TTLL8: variants seen among roughly 807,000 people sequenced by gnomAD.
The protein encoded by TTLL8 is protein monoglycylase TTLL8.
Under a neutral mutation model 77.8 loss-of-function variants are expected in TTLL8, and 65 were observed. The observed-to-expected ratio is 0.84, with a 90% CI of 0.68 to 1.03. The LOEUF (loss-of-function observed/expected upper bound fraction) is 1.03, where lower values mean the gene tolerates loss of function less well. TTLL8 is among the 50% of genes least tolerant of loss of function. The pLI is 0.00. For synonymous variants in TTLL8, 402 were observed against 422.8 expected (o/e 0.95, Z 0.60); for missense variants, 910 against 1,004.5 (o/e 0.91, Z 1.27).
rs2061435442 is a variant in TTLL8, at chr22:50,050,007, C to T, written c.190+102G>A. On this transcript the variant is annotated intron_variant, in intron 2 of 13. Transcript: ENST00000266182. ...GTCGGAGATACCCCATCACGCACAC[C>T]AGGGCCGAGGGGCAGGCACCACACT... 3 of 1,256,834 alleles carry T rather than the reference C, an allele frequency of 2.4e-6. No homozygotes were observed. The South Asian group carries it at 4.0e-5, about 17-fold the overall frequency. 77.9% of individuals were successfully genotyped at this position (1,256,834 alleles called of 1,614,324 possible).
rs1601939885 is a variant in TTLL8 at position 50,052,511 on chromosome 22, G to C, written c.51+2065C>G. On this transcript the variant is annotated intron_variant, in intron 1 of 13. Transcript: ENST00000266182. ...ACGTACTAAATGAATGAAGATAACA[G>C]ACACACCTGAATACATCAACGGTTT... Among the ~76,000 whole-genome samples, 9 of 152,208 alleles carry C rather than the reference G, an allele frequency of 5.9e-5. No individual in the cohort carries two copies. The South Asian group carries it at 1.9e-3, about 32-fold the overall frequency.
intron 8 of TTLL8, among the ~76,000 whole-genome samples, chr22:50,038,007 T>C (rs971269882): frequency 4.0e-5 from 6 of 150,986 alleles, no homozygotes; most frequent in Non-Finnish European, 8.9e-5. Flanking sequence ...CATTAACATG[T>C]TATACACACA....
At chr22:50,027,529 G>A (rs1284158604) in intron 12 of TTLL8, 11 of 636,528 alleles carry the variant, frequency 1.7e-5, no homozygotes, top group Non-Finnish European at 2.0e-5. Context: ...ATGAGACTCC[G>A]TCTCAAAAAA....
At chr22:50,052,243 A>C (rs137915) in intron 1 of TTLL8, among the ~76,000 whole-genome samples, 1 of 152,180 alleles carries the variant, frequency 6.6e-6, no homozygotes, top group Non-Finnish European at 1.5e-5. Flanking sequence ...GACAGTCCGC[A>C]AGAGGGCTGG....
chr22:50,039,937 C>T (rs764189938), intron 8 of TTLL8, among the ~76,000 whole-genome samples: 1 of 149,020 alleles, frequency 6.7e-6, no homozygotes, highest in Non-Finnish European at 1.5e-5. Context: ...CCTCACGGAC[C>T]TCATGTGTGC....
In TTLL8 at chr22:50,041,696, G is replaced by A. The variant is rs376429625; in HGVS notation, c.755C>T (p.Thr252Met). Residue 252 changes from threonine to methionine, a missense_variant, in exon 7 of 14, where the codon ACG becomes ATG. Thr to Met is a moderately conservative substitution (Grantham distance 81). This residue lies in a region of TTLL8 where 776 missense variants were observed against 926.1 expected (regional missense o/e 0.84). Coordinates refer to ENST00000266182, the Ensembl canonical transcript of TTLL8. This position sits in a 1 kb window ranked among gnomAD's most constrained non-coding sequence, Gnocchi z 4.3. The stretch of plus-strand genomic sequence containing the variant: ...GAGGTCCTCCACGGCATCTGCTGAC[G>A]TGTCGATGTCCTCATGCTCCAGCTG... The A allele has an allele frequency of 2.3e-5, 31 of 1,366,918 alleles. No individual in the cohort carries two copies. In the African/African-American group the frequency reaches 2.8e-4, roughly 12 times the overall value. The allele number at this position is 1,366,918 out of a possible 1,614,324, so 84.7% of individuals were successfully genotyped here.
At chr22:50,027,997 C>T (rs913072434) in intron 12 of TTLL8, among the ~76,000 whole-genome samples, 2 of 152,220 alleles carry the variant, frequency 1.3e-5, no homozygotes, top group Non-Finnish European at 2.9e-5. Flanking sequence ...CACGTGGTGT[C>T]GGCTTTGGAA....
chr22:50,048,699 T>G (rs1203881587), intron 3 of TTLL8, among the ~76,000 whole-genome samples: 2 of 152,220 alleles, frequency 1.3e-5, no homozygotes, highest in African/African-American at 4.8e-5. Context: ...ATTTGTCTTT[T>G]CATTACTGAT....
intron 8 of TTLL8, among the ~76,000 whole-genome samples, chr22:50,038,427 A>T (rs749008360): frequency 2.6e-5 from 4 of 152,110 alleles, no homozygotes; most frequent in Non-Finnish European, 4.4e-5. Flanking sequence ...GATGATGAGC[A>T]ACTTCGTCTC....
intron 8 of TTLL8, among the ~76,000 whole-genome samples, chr22:50,038,109 A>T (rs966369590): frequency 6.6e-6 from 1 of 152,104 alleles, no homozygotes; most frequent in Non-Finnish European, 1.5e-5. Flanking sequence ...TTATTTCTAG[A>T]GGTTTGTTGT....
intron 11 of TTLL8, 140 bp from the exon 13 acceptor site, chr22:50,031,065 C>A: frequency 1.4e-6 from 1 of 727,900 alleles, no homozygotes; most frequent in South Asian, 1.8e-5. Flanking sequence ...ACCTGGGGTC[C>A]CACGCAGACC....
At chr22:50,020,470 A>T (rs1192835869) in intron 12 of TTLL8, among the ~76,000 whole-genome samples, 1 of 148,868 alleles carries the variant, frequency 6.7e-6, no homozygotes, top group Non-Finnish European at 1.5e-5. Flanking sequence ...CCATCAGATG[A>T]TGTGTACTCC....
intron 12 of TTLL8, among the ~76,000 whole-genome samples, chr22:50,019,882 A>G (rs2061184964): frequency 6.6e-6 from 1 of 152,220 alleles, no homozygotes; most frequent in Admixed American, 6.5e-5. Context: ...TGGTTAAAAG[A>G]CACTGGCAGT....
chr22:50,042,435 C>T (rs1422301693), intron 6 of TTLL8, among the ~76,000 whole-genome samples: 5 of 152,144 alleles, frequency 3.3e-5, no homozygotes, highest in South Asian at 2.1e-4. Flanking sequence ...CTCAGCCTCC[C>T]GAACAGCTGG....
At chr22:50,042,097 G>A (rs1256013608) in intron 6 of TTLL8, among the ~76,000 whole-genome samples, 1 of 152,086 alleles carries the variant, frequency 6.6e-6, no homozygotes, top group Non-Finnish European at 1.5e-5. Flanking sequence ...GAAACATATG[G>A]GCCCTGCCAC....
At chr22:50,025,532 G>A (rs536215566) in intron 12 of TTLL8, among the ~76,000 whole-genome samples, 8 of 152,206 alleles carry the variant, frequency 5.3e-5, no homozygotes, top group East Asian at 1.9e-4. Context: ...CCAGCTACTC[G>A]GGAGGCTGAG....
chr22:50,044,634 G>A lies in TTLL8; in HGVS notation c.643+621C>T, dbSNP rs2061396510. Among the ~76,000 whole-genome samples the A allele has an allele frequency of 6.6e-6, 1 of 152,180 alleles. No individual in the cohort carries two copies. Among genetic ancestry groups the A allele is most frequent in the African/African-American group, 2.4e-5 (1 of 41,446 alleles). On this transcript the variant is annotated intron_variant, in intron 6 of 13. Coordinates refer to ENST00000266182, the Ensembl canonical transcript of TTLL8. The surrounding 1 kb of genome is among the most constrained non-coding windows in gnomAD (Gnocchi z 4.2). ...CACTCTAAAAGTTTAATGCGCCAAT[G>A]TTCATCTGTCAACAGTCGAAGCGCA...
At chr22:50,045,930 A>T in exon 5 of TTLL8, 2 of 1,361,754 alleles carry the variant, frequency 1.5e-6, no homozygotes, top group African/African-American at 1.5e-5. Context: ...GTTGGCCGGG[A>T]CGTACCAGGG....
chr22:50,027,759 A>C (rs1373428531), intron 12 of TTLL8: 1 of 985,322 alleles, frequency 1.0e-6, no homozygotes, highest in Admixed American at 6.1e-5. Context: ...GTCACGGAAC[A>C]AACACACACC....
Sources: allele counts gnomAD v4.1 joint callset (sites outside exome capture counted in the v4.1 genomes callset), GRCh38; gene constraint gnomAD v4.1.1; regional missense constraint gnomAD v4.1.1; non-coding constraint Gnocchi (gnomAD v3.1); transcripts MANE v1.5; gene names NCBI Gene and HGNC (gene_info 2026-07-23, HGNC 2026-07-21).